The following MELTF variants were observed in gnomAD, a reference collection of about 807,000 sequenced individuals.
The protein encoded by MELTF is antigen p97 (melanoma associated) identified by monoclonal antibodies 133.2 and 96.5.
Under a neutral mutation model 83.7 loss-of-function variants are expected in MELTF, and 67 were observed. That is an observed-to-expected ratio of 0.80 (90% confidence interval 0.66 to 0.98). MELTF has a LOEUF of 0.98. MELTF is among the 50% of genes least tolerant of loss of function. The pLI, the probability that MELTF is intolerant of heterozygous loss-of-function variation, is 0.00. For missense variants in MELTF, 1,002 were observed against 1,035.6 expected, an observed-to-expected ratio of 0.97 and a Z score of 0.44; for synonymous variants, 462 against 447.6, an observed-to-expected ratio of 1.03 and a Z score of -0.41.
At chr3:197,021,678 G>A (rs572804501) in intron 5 of MELTF, among the ~76,000 whole-genome samples, 9 of 152,298 alleles carry the variant, frequency 5.9e-5, no homozygotes, top group African/African-American at 1.2e-4. Context: ...TCTGTAAAGC[G>A]GGGGTGGGAA....
Position 197,009,870 on chromosome 3 carries a change from T to TG in MELTF, c.1331-59dup, listed in dbSNP as rs567878142. 6.5e-4 allele frequency: 958 copies of TG among 1,476,450 alleles called. 6 individuals carry two copies. In the African/African-American group the frequency reaches 0.011, roughly 17 times the overall value. 91.5% of individuals were successfully genotyped at this position (1,476,450 alleles called of 1,614,324 possible). On this transcript the variant is annotated intron_variant, in intron 10 of 15. Transcript: ENST00000296350. ...TCATCTGAGAGCCCGGGCAAGTGCC[T>TG]GGGGGGGTCCTTCCTTCAAACCCAC...
intron 6 of MELTF, chr3:197,019,289 C>G (rs1719525911): frequency 4.8e-6 from 5 of 1,051,374 alleles, no homozygotes; most frequent in Non-Finnish European, 5.7e-6. Flanking sequence ...TTAGGTGCTT[C>G]CATCAGCCAC....
rs997526542 is a variant in MELTF at position 197,011,194 on chromosome 3, G to A, written c.1234-400C>T. On this transcript the variant is annotated intron_variant, in intron 9 of 15. Coordinates refer to ENST00000296350, the MANE Select transcript of MELTF (RefSeq NM_005929.6). The surrounding 1 kb of genome is among the most constrained non-coding windows in gnomAD (Gnocchi z 4.2). ...CTGGCCAAGGGCCAGCACAGCGTGT[G>A]CTGCAATGCCTGTCTGTTAAATGCG... Among the ~76,000 whole-genome samples the A allele has an allele frequency of 7.2e-5, 11 of 152,268 alleles. No individual in the cohort carries two copies. Among genetic ancestry groups the A allele is most frequent in the African/African-American group, 2.7e-4 (11 of 41,478 alleles).
rs1309444722 is a variant in MELTF, at chr3:197,008,685, C to G, written c.1722G>C (p.Arg574Ser). The G allele has an allele frequency of 4.3e-6, 7 of 1,614,010 alleles. No homozygotes were observed. The African/African-American group carries it at 9.3e-5, about 22-fold the overall frequency. ...VENAGDVAFV[R>S]HTTVFDNTNG... ...TTGTGTTGTCAAAGACGGTTGTGTGCCTGACGAAGGCAACGTCACCCGCAT... is the reference window on the plus strand; with the variant it reads ...TTGTGTTGTCAAAGACGGTTGTGTGGCTGACGAAGGCAACGTCACCCGCAT... The change falls in exon 13 of 16, where the codon AGG becomes AGC. Residue 574 changes from arginine (R) to serine (S), a missense_variant. Arg to Ser is a moderately radical substitution (Grantham distance 110). Transcript: ENST00000296350. This position sits in a 1 kb window ranked among gnomAD's most constrained non-coding sequence, Gnocchi z 5.4.
chr3:197,004,415 T>C, intron 14 of MELTF: 1 of 422,612 alleles, frequency 2.4e-6, no homozygotes. Context: ...ATGGTGTGGG[T>C]GGGATTCCTG....
At chr3:197,010,242 C>T (rs879543650) in intron 10 of MELTF, among the ~76,000 whole-genome samples, 2 of 152,204 alleles carry the variant, frequency 1.3e-5, no homozygotes, top group Non-Finnish European at 2.9e-5. Context: ...AGGCCAAAGC[C>T]CCAGCCCAGG....
At position 197,024,782 on chromosome 3, in the gene MELTF, C is replaced by T. The variant is rs975187141; in HGVS notation, c.305-297G>A. 1.3e-5 allele frequency among the ~76,000 whole-genome samples: 2 copies of T among 152,204 alleles called. No homozygotes were observed. Among genetic ancestry groups the T allele is most frequent in the Non-Finnish European group, 2.9e-5 (2 of 68,028 alleles). ...GCTTAGCTGGGTCCACATTTGCTCA[C>T]ATCAGGGGAGTTATTTAGCTGGACA... On this transcript the variant is annotated intron_variant, in intron 3 of 15. Transcript: ENST00000296350. This position sits in a 1 kb window ranked among gnomAD's most constrained non-coding sequence, Gnocchi z 5.3.
intron 6 of MELTF, 59 bp downstream of exon 6, chr3:197,021,345 C>T: frequency 6.4e-7 from 1 of 1,572,476 alleles, no homozygotes; most frequent in Non-Finnish European, 8.7e-7. Flanking sequence ...GGGTCCCTGC[C>T]CCAAGCCGGC....
chr3:197,026,670 C>T lies in MELTF; in HGVS notation c.294G>A (p.Val98=). The T allele has an allele frequency of 6.2e-7, 1 of 1,613,100 alleles. No homozygotes were observed. The highest frequency in any genetic ancestry group is 8.5e-7 in the Non-Finnish European group (1 of 1,179,946). The change falls in exon 3 of 16, where the codon GTG becomes GTA. Residue 98 remains valine (V), a synonymous_variant. Coordinates refer to ENST00000296350, the MANE Select transcript of MELTF (RefSeq NM_005929.6). ...EHGLKPVVGE[V]YDQEVGTSYY... ...ACTGCACCCTCTTACCTTGATCGTA[C>T]ACTTCGCCCACCACCGGCTTCAGGC... is the stretch of plus-strand genomic sequence containing the variant.
At position 197,006,869 on chromosome 3, in the gene MELTF, T is replaced by C. The variant is rs1719000412; in HGVS notation, c.1751-133A>G. On this transcript the variant is annotated intron_variant, in intron 13 of 15. Transcript: ENST00000296350. This position sits in a 1 kb window ranked among gnomAD's most constrained non-coding sequence, Gnocchi z 5.4. ...ACATCTGGCCAGCTCCCCAACCCTC[T>C]CCATTCTCCACGTGCTCTGCTGTGT... is the stretch of plus-strand genomic sequence containing the variant. 1 of 766,278 alleles carries C rather than the reference T, an allele frequency of 1.3e-6. No homozygotes were observed. The highest frequency in any genetic ancestry group is 3.3e-5 in the East Asian group (1 of 30,610). The allele number at this position is 766,278 out of a possible 1,614,324, so 47.5% of individuals were successfully genotyped here.
intron 1 of MELTF, chr3:197,028,207 G>T: frequency 2.7e-6 from 1 of 363,918 alleles, no homozygotes; most frequent in Non-Finnish European, 5.1e-6. Flanking sequence ...ACCCCCACCT[G>T]GTGGGAGCAC....
rs1719019789 is a variant in MELTF, at chr3:197,007,466, G to A, written c.1751-730C>T. Among the ~76,000 whole-genome samples the A allele has an allele frequency of 6.6e-6, 1 of 152,216 alleles. No individual in the cohort carries two copies. The highest frequency in any genetic ancestry group is 1.5e-5 in the Non-Finnish European group (1 of 68,032). On this transcript the variant is annotated intron_variant, in intron 13 of 15. Transcript: ENST00000296350. This position sits in a 1 kb window ranked among gnomAD's most constrained non-coding sequence, Gnocchi z 4.3. ...AGAGCTAAAGATAAAAGGGAAAGGA[G>A]TGGCCCTGGGAGGCGGGTGACTCAC...
chr3:197,011,388 G>A lies in MELTF; in HGVS notation c.1234-594C>T, dbSNP rs1049106133. On this transcript the variant is annotated intron_variant, in intron 9 of 15. Coordinates refer to ENST00000296350, the MANE Select transcript of MELTF (RefSeq NM_005929.6). The surrounding 1 kb of genome is among the most constrained non-coding windows in gnomAD (Gnocchi z 4.2). ...CAGGTCACCTGCACCCACCCCGCTTGTCCATTCGGAAGCCTATTGACAGGT... is the reference window on the plus strand; with the variant it reads ...CAGGTCACCTGCACCCACCCCGCTTATCCATTCGGAAGCCTATTGACAGGT... Among the ~76,000 whole-genome samples, 1 of 152,172 alleles carries A rather than the reference G, an allele frequency of 6.6e-6. No homozygotes were observed. Among genetic ancestry groups the A allele is most frequent in the African/African-American group, 2.4e-5 (1 of 41,456 alleles).
In MELTF at chr3:197,027,831, G is replaced by A. The variant is rs1577950802; in HGVS notation, c.129C>T (p.Phe43=). The change falls in exon 2 of 16, where the codon TTC becomes TTT. Residue 43 remains phenylalanine (F), a synonymous_variant. Transcript: ENST00000296350. ...QHKCGNMSEA[F]REAGIQPSLL... is the part of the protein sequence containing the mutation. ...GGGAGGGCTGGATGCCCGCTTCCCG[G>A]AAGGCCTCGCTCATGTTGCCGCACT... The A allele has an allele frequency of 1.9e-6, 3 of 1,611,540 alleles. No individual in the cohort carries two copies. The highest frequency in any genetic ancestry group is 1.3e-5 in the African/African-American group (1 of 75,020).
rs1031344621 is a variant in MELTF, at chr3:197,002,661, T to C, written c.*711A>G. On this transcript the variant is annotated 3_prime_UTR_variant, in exon 16 of 16. Coordinates refer to ENST00000296350, the MANE Select transcript of MELTF (RefSeq NM_005929.6). Reference sequence around the variant, plus strand: ...GCGGGCGGTGGGCATCCCACGGGGGTAGGGGAGGCGAGAGCCTGAGGAGAC... The same window carrying C: ...GCGGGCGGTGGGCATCCCACGGGGGCAGGGGAGGCGAGAGCCTGAGGAGAC... The C allele has an allele frequency of 1.3e-5, 2 of 150,686 alleles. No homozygotes were observed. Among genetic ancestry groups the C allele is most frequent in the African/African-American group, 4.9e-5 (2 of 40,854 alleles). 9.3% of individuals were successfully genotyped at this position (150,686 alleles called of 1,614,324 possible).
chr3:197,014,393 T>G (rs886803385), intron 9 of MELTF, among the ~76,000 whole-genome samples: 3 of 144,630 alleles, frequency 2.1e-5, no homozygotes, highest in Non-Finnish European at 4.5e-5. Context: ...GTTTTTTTTT[T>G]TTTTTTTTTT....
In MELTF at chr3:197,022,202, C is replaced by T. The variant is rs1719649913; in HGVS notation, c.645-731G>A. ...CTGGGCAAAGGGTCTGCTTGGGTCC[C>T]CACGGGCAGAAAATGCACAGGGATT... On this transcript the variant is annotated intron_variant, in intron 5 of 15. Transcript: ENST00000296350. This position sits in a 1 kb window ranked among gnomAD's most constrained non-coding sequence, Gnocchi z 5.1. 6.6e-6 allele frequency among the ~76,000 whole-genome samples: 1 copy of T among 152,058 alleles called. No homozygotes were observed. Among genetic ancestry groups the T allele is most frequent in the East Asian group, 1.9e-4 (1 of 5,180 alleles).
At position 197,017,189 on chromosome 3, in the gene MELTF, G is replaced by T; in HGVS notation, c.814C>A (p.His272Asn). 8 of 1,606,762 alleles carry T rather than the reference G, an allele frequency of 5.0e-6. No individual in the cohort carries two copies. Among genetic ancestry groups the T allele is most frequent in the Non-Finnish European group, 6.8e-6 (8 of 1,177,818 alleles). The change falls in exon 7 of 16, where the codon CAT becomes AAT. Residue 272 changes from histidine to asparagine, a missense_variant. Transcript: ENST00000296350. ...GCGTGAGCAGGCACCCGGGCCAGATGGCACTGCCTCCACTCGGTGACATCG... is the reference window on the plus strand; with the variant it reads ...GCGTGAGCAGGCACCCGGGCCAGATTGCACTGCCTCCACTCGGTGACATCG... ...RADVTEWRQC[H>N]LARVPAHAVV...
At chr3:197,018,481 C>T (rs1719492350) in intron 6 of MELTF, among the ~76,000 whole-genome samples, 1 of 150,570 alleles carries the variant, frequency 6.6e-6, no homozygotes, top group African/African-American at 2.5e-5. Context: ...GAGTCTTACT[C>T]TGTCGCTCAG....
Sources: gnomAD v4.1 joint callset for allele counts (sites outside exome capture counted in the v4.1 genomes callset) on GRCh38, gnomAD v4.1.1 for gene constraint, Gnocchi (gnomAD v3.1) non-coding constraint, MANE v1.5 for transcripts, NCBI Gene and HGNC (gene_info 2026-07-23, HGNC 2026-07-21) for gene names.